The following POLR2B variants were observed in gnomAD, a reference collection of about 807,000 sequenced individuals.
The protein encoded by POLR2B is RNA polymerase II subunit B, also known as DNA-directed RNA polymerase II subunit RPB2.
A neutral mutation model predicts 144.6 loss-of-function variants in POLR2B; 57 were observed. That is an observed-to-expected ratio of 0.39 (90% CI 0.32 to 0.49). The LOEUF (loss-of-function observed/expected upper bound fraction) is 0.49, where lower values mean the gene tolerates loss of function less well. Among genes scored for constraint, POLR2B ranks in the 20% least tolerant of loss-of-function variants. POLR2B has a pLI of 0.83. For missense variants in POLR2B, 595 were observed against 1,467.4 expected (o/e 0.41, Z 9.71); for synonymous variants, 442 against 469.8 (o/e 0.94, Z 0.77).
chr4:56,993,197 G>A (rs1294149781), intron 3 of POLR2B, among the ~76,000 whole-genome samples: 1 of 151,992 alleles, frequency 6.6e-6, no homozygotes, highest in African/African-American at 2.4e-5. Context: ...CAGCTACTTG[G>A]GAGGCTGAGG....
intron 6 of POLR2B, 130 bp downstream of exon 6, chr4:56,995,539 A>C (rs959594746): frequency 1.1e-5 from 6 of 544,700 alleles, no homozygotes; most frequent in African/African-American, 7.6e-5. Context: ...TTGTTTACCT[A>C]TCGCTGTGTA....
intron 13 of POLR2B, 51 bp downstream of exon 13, chr4:57,011,151 C>A: frequency 9.0e-7 from 1 of 1,114,578 alleles, no homozygotes; most frequent in Non-Finnish European, 1.4e-6. Context: ...TTAAACAAGG[C>A]ATAGGACTAG....
chr4:56,991,920 AG>A (rs1722519049), intron 3 of POLR2B, among the ~76,000 whole-genome samples: 1 of 152,088 alleles, frequency 6.6e-6, no homozygotes, highest in Non-Finnish European at 1.5e-5. Context: ...AGCCTCCCAG[AG>A]TGCTGAGATT....
intron 1 of POLR2B, among the ~76,000 whole-genome samples, chr4:56,982,424 T>G (rs1338933948): frequency 6.6e-6 from 1 of 151,948 alleles, no homozygotes; most frequent in Non-Finnish European, 1.5e-5. Context: ...TTTAAAAAAT[T>G]AGCTGGGCAT....
At chr4:57,026,159 A>G (rs1213820824) in intron 23 of POLR2B, among the ~76,000 whole-genome samples, 1 of 151,926 alleles carries the variant, frequency 6.6e-6, no homozygotes, top group Non-Finnish European at 1.5e-5. Context: ...AATCACTTGA[A>G]CCTGGGAGGC....
In POLR2B at chr4:57,005,695, C is replaced by T. The variant is rs199642101; in HGVS notation, c.1193C>T (p.Pro398Leu). 1.8e-5 allele frequency: 29 copies of T among 1,611,608 alleles called. No individual in the cohort carries two copies. The highest frequency in any genetic ancestry group is 2.4e-5 in the Non-Finnish European group (28 of 1,179,042). The change falls in exon 9 of 25, where the codon CCG becomes CTG. Residue 398 changes from proline (P) to leucine (L), a missense_variant. Coordinates refer to ENST00000314595, the MANE Select transcript of POLR2B (RefSeq NM_000938.3). ...AACAAGAGATTGGATCTTGCTGGGC[C>T]GCTGCTTGCATTCTTATTTAGAGGG... ...YGNKRLDLAGPLLAFLFRGMF... is the reference protein window; with the variant it reads ...YGNKRLDLAGLLLAFLFRGMF...
Position 57,023,760 on chromosome 4 carries a change from CTT to C in POLR2B, c.2856+11_2856+12del, listed in dbSNP as rs760135870. On this transcript the variant is annotated intron_variant, in intron 20 of 24. Transcript: ENST00000314595. This position sits in a 1 kb window ranked among gnomAD's most constrained non-coding sequence, Gnocchi z 4.3. ...TTCAGTATAGACAAGAGGTAGGTAT[CTT>C]TGATCTCCCTCATGCCCAAACCAGT... is the stretch of plus-strand genomic sequence containing the variant. The C allele has an allele frequency of 1.3e-6, 2 of 1,518,528 alleles. No individual in the cohort carries two copies. Among genetic ancestry groups the C allele is most frequent in the Admixed American group, 3.8e-5 (2 of 53,206 alleles). The allele number at this position is 1,518,528 out of a possible 1,614,324, so 94.1% of individuals were successfully genotyped here. A position where few individuals can be genotyped will look rare whatever the true frequency, so the allele number is the denominator to read the frequency against.
At chr4:57,020,847 T>G (rs1723519085) in intron 16 of POLR2B, 52 bp from the exon 17 acceptor site, 3 of 977,946 alleles carry the variant, frequency 3.1e-6, no homozygotes, top group East Asian at 4.8e-5. Context: ...GAAAGGGCAG[T>G]TTTTCTGTTT....
intron 13 of POLR2B, among the ~76,000 whole-genome samples, chr4:57,014,124 C>T (rs2109697714): frequency 6.6e-6 from 1 of 152,294 alleles, no homozygotes; most frequent in East Asian, 1.9e-4. Flanking sequence ...TAAGGACAGG[C>T]AGTAGACTAG....
At chr4:57,006,441 A>G (rs944868390) in intron 9 of POLR2B, among the ~76,000 whole-genome samples, 2 of 152,158 alleles carry the variant, frequency 1.3e-5, no homozygotes, top group Non-Finnish European at 2.9e-5. Context: ...AGTAGCTGGG[A>G]CTACAGGCGT....
Position 57,031,104 on chromosome 4 carries a change from TAATG to T in POLR2B, c.*118_*121del. On this transcript the variant is annotated 3_prime_UTR_variant, in exon 25 of 25. Coordinates refer to ENST00000314595, the MANE Select transcript of POLR2B (RefSeq NM_000938.3). ...TGTGATAAAAAGTATTTTATTTGTT[TAATG>T]ATATGCATGCTTTTCTTCTGTAAAT... The T allele has an allele frequency of 1.3e-6, 1 of 748,274 alleles. No individual in the cohort carries two copies. The highest frequency in any genetic ancestry group is 2.6e-5 in the East Asian group (1 of 39,024). The allele number at this position is 748,274 out of a possible 1,614,324, so 46.4% of individuals were successfully genotyped here.
In POLR2B at chr4:57,023,063, C is replaced by G. The variant is rs946047140; in HGVS notation, c.2516-267C>G. 2.6e-5 allele frequency among the ~76,000 whole-genome samples: 4 copies of G among 152,282 alleles called. No individual in the cohort carries two copies. The highest frequency in any genetic ancestry group is 6.5e-5 in the Admixed American group (1 of 15,300). On this transcript the variant is annotated intron_variant, in intron 18 of 24. Transcript: ENST00000314595. This position sits in a 1 kb window ranked among gnomAD's most constrained non-coding sequence, Gnocchi z 4.3. ...AATCAGAAGATGACAAAAAACATATCCAAAGTCACTCGATAAATGTCTGTC... is the reference window on the plus strand; with the variant it reads ...AATCAGAAGATGACAAAAAACATATGCAAAGTCACTCGATAAATGTCTGTC...
chr4:57,022,226 C>A lies in POLR2B; in HGVS notation c.2495C>A (p.Pro832His). ...GATCAAGAAGAAGTTTTTGAGAAGC[C>A]TACACGTGAAACATGCCAGGGTAAG... is the stretch of plus-strand genomic sequence containing the variant. ...GFDQEEVFEK[P>H]TRETCQGMRH... Residue 832 changes from proline to histidine, a missense_variant, in exon 18 of 25, where the codon CCT becomes CAT. Pro to His is a moderately conservative substitution (Grantham distance 77). Around this residue, in one of 9 missense-constraint regions of POLR2B, gnomAD observed 75 missense variants for 100.0 expected, o/e 0.75. Coordinates refer to ENST00000314595, the MANE Select transcript of POLR2B (RefSeq NM_000938.3). 6.2e-7 allele frequency: 1 copy of A among 1,606,120 alleles called. No individual in the cohort carries two copies. The highest frequency in any genetic ancestry group is 8.5e-7 in the Non-Finnish European group (1 of 1,173,030).
At chr4:57,021,719 C>G (rs1020240924) in intron 17 of POLR2B, among the ~76,000 whole-genome samples, 1 of 151,986 alleles carries the variant, frequency 6.6e-6, no homozygotes, top group African/African-American at 2.4e-5. Context: ...CAGGCTGTCT[C>G]AAACTCCTGA....
At chr4:56,996,539 C>T (rs1167126873) in intron 6 of POLR2B, among the ~76,000 whole-genome samples, 1 of 151,624 alleles carries the variant, frequency 6.6e-6, no homozygotes, top group African/African-American at 2.4e-5. Flanking sequence ...CCGCCTCGGC[C>T]TCCAAAAGTG....
At chr4:56,985,424 C>CGCCGCCCCGTGGG (rs1485959337) in intron 1 of POLR2B, 2 of 985,148 alleles carry the variant, frequency 2.0e-6, no homozygotes, top group Non-Finnish European at 2.4e-6. Flanking sequence ...CACTCCCCCC[C>CGCCGCCCCGTGGG]GCCGCCCCGT....
At chr4:56,989,404 G>A (rs539791143) in intron 2 of POLR2B, among the ~76,000 whole-genome samples, 19 of 152,208 alleles carry the variant, frequency 1.2e-4, no homozygotes, top group Non-Finnish European at 2.5e-4. Context: ...TGCCCCAACT[G>A]TTATTTAGGT....
intron 7 of POLR2B, among the ~76,000 whole-genome samples, chr4:57,000,547 A>AT (rs1008283325): frequency 2.6e-5 from 4 of 151,820 alleles, no homozygotes; most frequent in South Asian, 2.1e-4. Flanking sequence ...TATATAACAC[A>AT]TTTTTTTTCT....
chr4:57,003,356 GGA>G (rs1722912492), intron 7 of POLR2B, among the ~76,000 whole-genome samples: 2 of 152,028 alleles, frequency 1.3e-5, no homozygotes, highest in Non-Finnish European at 2.9e-5. Flanking sequence ...CTTGAACCTG[GGA>G]GGCGGAGGTT....
Sources: allele counts gnomAD v4.1 joint callset (sites outside exome capture counted in the v4.1 genomes callset), GRCh38; gene constraint gnomAD v4.1.1; regional missense constraint gnomAD v4.1.1; non-coding constraint Gnocchi (gnomAD v3.1); transcripts MANE v1.5; gene names NCBI Gene and HGNC (gene_info 2026-07-23, HGNC 2026-07-21).